Variants in FGFR2 observed in about 807,000 individuals in gnomAD.
FGFR2 encodes BEK fibroblast growth factor receptor.
FGFR2 carries 19 observed loss-of-function variants against 95.9 expected under a neutral mutation model. The observed-to-expected ratio is 0.20, with a 90% CI of 0.14 to 0.29. The LOEUF is 0.29. Ranked by LOEUF, FGFR2 falls within the 10% of genes least tolerant of loss-of-function variation. The pLI, the probability that FGFR2 is intolerant of heterozygous loss-of-function variation, is 1.00. For missense variants in FGFR2, 707 were observed against 1,056.9 expected (o/e 0.67, Z 4.59); for synonymous variants, 392 against 393.3 (o/e 1.00, Z 0.04).
intron 4 of FGFR2, among the ~76,000 whole-genome samples, chr10:121,556,097 C>T (rs139328291): frequency 1.7e-3 from 260 of 152,000 alleles, no homozygotes; most frequent in Middle Eastern, 0.017. Context: ...GGCACTCAAG[C>T]GTTATTGGAT....
At chr10:121,588,363 T>A (rs1226775322) in intron 2 of FGFR2, among the ~76,000 whole-genome samples, 1 of 150,736 alleles carries the variant, frequency 6.6e-6, no homozygotes, top group South Asian at 2.1e-4. Flanking sequence ...TTTACCTACA[T>A]AACAAACCTT....
intron 2 of FGFR2, among the ~76,000 whole-genome samples, chr10:121,590,820 T>C (rs1564749498): frequency 6.6e-6 from 1 of 152,194 alleles, no homozygotes; most frequent in Non-Finnish European, 1.5e-5. Context: ...ATAGACATTA[T>C]CTAAACTGAG....
At chr10:121,588,726 T>A (rs1862192636) in intron 2 of FGFR2, among the ~76,000 whole-genome samples, 1 of 150,586 alleles carries the variant, frequency 6.6e-6, no homozygotes, top group South Asian at 2.1e-4. Context: ...CTGAGCAACA[T>A]GGCGAAACCC....
At chr10:121,549,495 C>T (rs1331090247) in intron 5 of FGFR2, among the ~76,000 whole-genome samples, 1 of 152,176 alleles carries the variant, frequency 6.6e-6, no homozygotes, top group African/African-American at 2.4e-5. Flanking sequence ...CCGGTGATCC[C>T]CTTGTCTCCT....
intron 13 of FGFR2, among the ~76,000 whole-genome samples, chr10:121,489,743 G>A (rs140381615): frequency 1.2e-4 from 19 of 152,252 alleles, no homozygotes; most frequent in Non-Finnish European, 1.9e-4. Context: ...CCCAAGTCCT[G>A]TTGATTTCAA....
chr10:121,512,289 T>C (rs1033051831), intron 9 of FGFR2, among the ~76,000 whole-genome samples: 4 of 152,194 alleles, frequency 2.6e-5, no homozygotes, highest in Non-Finnish European at 5.9e-5. Flanking sequence ...TTTATCCAGA[T>C]ACCCGATAAG....
intron 9 of FGFR2, among the ~76,000 whole-genome samples, 197 bp from the exon 10 acceptor site, chr10:121,504,138 A>C (rs1315144245): frequency 2.6e-5 from 4 of 152,314 alleles, no homozygotes; most frequent in South Asian, 2.1e-4. Flanking sequence ...ATTTCATCCA[A>C]ATTTTATGTT....
chr10:121,533,963 C>T (rs751342020), intron 6 of FGFR2, among the ~76,000 whole-genome samples: 19 of 152,154 alleles, frequency 1.2e-4, no homozygotes, highest in Non-Finnish European at 2.4e-4. Context: ...ACTCCACACC[C>T]CTCTCCTGCA....
intron 13 of FGFR2, among the ~76,000 whole-genome samples, chr10:121,492,522 T>C (rs1031885593): frequency 3.9e-5 from 6 of 152,140 alleles, no homozygotes; most frequent in African/African-American, 7.2e-5. Context: ...TCAGTAACGA[T>C]GTAATCAACA....
intron 5 of FGFR2, among the ~76,000 whole-genome samples, chr10:121,542,947 C>T (rs1853981692): frequency 6.6e-6 from 1 of 152,148 alleles, no homozygotes; most frequent in East Asian, 1.9e-4. Context: ...ATTTACCTTC[C>T]ACATTGCAAA....
rs140033256 is a variant in FGFR2, at chr10:121,587,652, A to G, written c.109+6057T>C. 8.5e-4 allele frequency among the ~76,000 whole-genome samples: 130 copies of G among 152,314 alleles called. 1 individual carries two copies. Among genetic ancestry groups the G allele is most frequent in the Middle Eastern group, 3.4e-3 (1 of 294 alleles). On this transcript the variant is annotated intron_variant, in intron 2 of 17. Coordinates refer to ENST00000358487, the MANE Select transcript of FGFR2 (RefSeq NM_000141.5). Reference sequence around the variant, plus strand: ...CGTCCCACCAGCATATGAAAAAAAAAGCTCATCACTAGAGAAATGCAAATC... The same window carrying G: ...CGTCCCACCAGCATATGAAAAAAAAGGCTCATCACTAGAGAAATGCAAATC...
intron 13 of FGFR2, among the ~76,000 whole-genome samples, chr10:121,495,726 A>G (rs1846709499): frequency 6.6e-6 from 1 of 152,070 alleles, no homozygotes; most frequent in Non-Finnish European, 1.5e-5. Flanking sequence ...CGACCAGAGG[A>G]TCTCACCTCT....
intron 2 of FGFR2, among the ~76,000 whole-genome samples, chr10:121,582,657 T>C (rs1490337538): frequency 1.3e-5 from 2 of 151,950 alleles, no homozygotes; most frequent in African/African-American, 4.8e-5. Context: ...GTGGTGCACA[T>C]CTGTAATCCC....
chr10:121,507,909 A>G (rs1359878505), intron 9 of FGFR2, among the ~76,000 whole-genome samples: 1 of 152,202 alleles, frequency 6.6e-6, no homozygotes, highest in East Asian at 1.9e-4. Context: ...ACAGATCAAA[A>G]ATATTTGAAA....
At chr10:121,520,355 A>T (rs1361671614) in intron 6 of FGFR2, among the ~76,000 whole-genome samples, 186 bp from the exon 7 acceptor site, 1 of 152,226 alleles carries the variant, frequency 6.6e-6, no homozygotes, top group Non-Finnish European at 1.5e-5. Context: ...AGACTGCCGG[A>T]GCGCGACCCT....
intron 2 of FGFR2, 84 bp from the exon 3 acceptor site, chr10:121,565,788 T>C (rs2135128653): frequency 6.5e-7 from 1 of 1,527,306 alleles, no homozygotes; most frequent in South Asian, 1.1e-5. Flanking sequence ...AGTGGAGGCC[T>C]GCTTATTCCC....
chr10:121,524,082 A>G (rs1174199476), intron 6 of FGFR2, among the ~76,000 whole-genome samples: 1 of 145,938 alleles, frequency 6.9e-6, no homozygotes, highest in East Asian at 2.1e-4. Context: ...AGTTATTCCA[A>G]TGCTATCCCG....
chr10:121,576,255 A>C (rs866234148), intron 2 of FGFR2, among the ~76,000 whole-genome samples: 1 of 152,246 alleles, frequency 6.6e-6, no homozygotes, highest in Non-Finnish European at 1.5e-5. Context: ...ACAGGCCATT[A>C]GATCATGTAG....
Position 121,496,648 on chromosome 10 carries a change from C to A in FGFR2, c.1747G>T (p.Gly583Trp). ...TTAATGTCATAGGAGTACTCCATCC[C>A]GGGTGGCCTCCGGGCTCGGAGGTAT... ...REYLRARRPP[G>W]MEYSYDINRV... The change falls in exon 13 of 18, where the codon GGG (glycine) becomes TGG (tryptophan). Residue 583 changes from glycine (G) to tryptophan (W), a missense_variant. By Grantham distance (184) the Gly-to-Trp change is radical (BLOSUM62 -2). Around this residue, in one of 7 missense-constraint regions of FGFR2, gnomAD observed 37 missense variants for 34.1 expected, o/e 1.09. Transcript: ENST00000358487. 2 of 1,611,456 alleles carry A rather than the reference C, an allele frequency of 1.2e-6. No individual in the cohort carries two copies. The highest frequency in any genetic ancestry group is 1.7e-6 in the Non-Finnish European group (2 of 1,179,772).
Sources: gnomAD v4.1 joint callset for allele counts (sites outside exome capture counted in the v4.1 genomes callset) on GRCh38, gnomAD v4.1.1 for gene constraint, gnomAD v4.1.1 regional missense constraint, MANE v1.5 for transcripts, NCBI Gene and HGNC (gene_info 2026-07-23, HGNC 2026-07-21) for gene names.